ACACA: variants seen among roughly 807,000 people sequenced by gnomAD.
The protein encoded by ACACA is acetyl-CoA carboxylase alpha, also known as acetyl-CoA carboxylase 1.
A neutral mutation model predicts 296.1 loss-of-function variants in ACACA; 103 were observed. The observed-to-expected ratio is 0.35, with a 90% CI of 0.30 to 0.41. The LOEUF (loss-of-function observed/expected upper bound fraction) is 0.41, where lower values mean the gene tolerates loss of function less well. Among genes scored for constraint, ACACA ranks in the 10% least tolerant of loss-of-function variants. ACACA has a pLI of 1.00. For synonymous variants in ACACA, 953 were observed against 1,038.6 expected (o/e 0.92, Z 1.58); for missense variants, 1,554 against 2,989.7 (o/e 0.52, Z 11.20).
At chr17:37,217,260 C>CAAAAA (rs34419580) in intron 29 of ACACA, among the ~76,000 whole-genome samples, 6 of 42,532 alleles carry the variant, frequency 1.4e-4, no homozygotes, top group Non-Finnish European at 1.8e-4. Context: ...AACTCTATCT[C>CAAAAA]AAAAAAAAAA....
intron 3 of ACACA, among the ~76,000 whole-genome samples, chr17:37,288,318 T>A (rs2082885058): frequency 6.6e-6 from 1 of 152,162 alleles, no homozygotes; most frequent in Non-Finnish European, 1.5e-5. Context: ...GGGCCCCAAG[T>A]CCATGGATCA....
chr17:37,257,634 G>A, intron 14 of ACACA, 69 bp downstream of exon 14: 3 of 1,503,004 alleles, frequency 2.0e-6, no homozygotes, highest in Non-Finnish European at 2.8e-6. Flanking sequence ...CTATTCCCAT[G>A]CTCACACCTT....
chr17:37,388,687 G>C (rs2050658374), intron 1 of ACACA: 1 of 1,612,294 alleles, frequency 6.2e-7, no homozygotes, highest in South Asian at 1.1e-5. Flanking sequence ...TGAGAACCTA[G>C]AGAAGAGACA....
intron 25 of ACACA, among the ~76,000 whole-genome samples, chr17:37,233,522 G>GT (rs1335055073): frequency 6.6e-6 from 1 of 152,064 alleles, no homozygotes; most frequent in Non-Finnish European, 1.5e-5. Context: ...TCTTAAAAAC[G>GT]TAATCACAAT....
At chr17:37,123,468 T>C (rs2074622281) in intron 48 of ACACA, among the ~76,000 whole-genome samples, 1 of 152,038 alleles carries the variant, frequency 6.6e-6, no homozygotes, top group African/African-American at 2.4e-5. Flanking sequence ...ACAGGGTGAG[T>C]CTTTACTCTG....
rs193048769 is a variant in ACACA, at chr17:37,405,503, T to C, written c.38+759A>G. 5.3e-5 allele frequency among the ~76,000 whole-genome samples: 8 copies of C among 152,334 alleles called. No homozygotes were observed. In the East Asian group the frequency reaches 9.6e-4, roughly 18 times the overall value. ...ATAGGAAAATGTCTGGAAGGGTACA[T>C]ACCAAAATGTTAATTATTTATTTAA... On this transcript the variant is annotated intron_variant, in intron 1 of 55. Transcript: ENST00000616317.
At chr17:37,230,417 A>G (rs4794752) in intron 25 of ACACA, among the ~76,000 whole-genome samples, 39,620 of 151,068 alleles carry the variant, frequency 0.26, 5,986 homozygotes, top group African/African-American at 0.38. Flanking sequence ...TAAATAAATA[A>G]ATAAATAAAT....
Position 37,372,129 on chromosome 17 carries a change from A to G in ACACA, c.39-32279T>C, listed in dbSNP as rs142647731. 3.6e-3 allele frequency among the ~76,000 whole-genome samples: 542 copies of G among 152,066 alleles called. 3 individuals are homozygous for G. Among genetic ancestry groups the G allele is most frequent in the African/African-American group, 0.012 (516 of 41,512 alleles). On this transcript the variant is annotated intron_variant, in intron 1 of 55. Coordinates refer to ENST00000616317, the MANE Select transcript of ACACA (RefSeq NM_198834.3). ...CATGCAGCCTTTAAAAAGCAGTAGC[A>G]TAAGCCAGACGCAGTAGTTCACGCC...
Position 37,316,297 on chromosome 17 carries a change from T to TTACA in ACACA, c.338+13872_338+13875dup, listed in dbSNP as rs1179025947. On this transcript the variant is annotated intron_variant, in intron 3 of 55. Coordinates refer to ENST00000616317, the MANE Select transcript of ACACA (RefSeq NM_198834.3). The stretch of plus-strand genomic sequence containing the variant: ...ATTGTCTACCCTACCAGCTCTACCC[T>TTACA]TACATACACACACACACACACACAC... Among the ~76,000 whole-genome samples the TTACA allele has an allele frequency of 1.3e-4, 13 of 101,086 alleles. No individual in the cohort carries two copies. In the South Asian group the frequency reaches 2.0e-3, roughly 16 times the overall value. The allele number at this position is 101,086 out of a possible 152,430, so 66.3% of individuals were successfully genotyped here. A position where few individuals can be genotyped will look rare whatever the true frequency, so the allele number is the denominator to read the frequency against.
chr17:37,257,692 A>T lies in ACACA; in HGVS notation c.1826+11T>A. 6.2e-7 allele frequency: 1 copy of T among 1,613,718 alleles called. No individual in the cohort carries two copies. The highest frequency in any genetic ancestry group is 8.5e-7 in the Non-Finnish European group (1 of 1,179,790). On this transcript the variant is annotated intron_variant, in intron 14 of 55. Coordinates refer to ENST00000616317, the MANE Select transcript of ACACA (RefSeq NM_198834.3). ...ATTTTGTAAAATGCAATCAAATGCT[A>T]TTATACTCACGAAATTGCCTCTTCT...
intron 43 of ACACA, among the ~76,000 whole-genome samples, chr17:37,153,807 T>C (rs935021922): frequency 6.6e-6 from 1 of 152,052 alleles, no homozygotes; most frequent in African/African-American, 2.4e-5. Context: ...CCAAGAAAGT[T>C]TGGGAACCTC....
At chr17:37,370,667 GTAAA>G (rs372775724) in intron 1 of ACACA, among the ~76,000 whole-genome samples, 107 of 148,828 alleles carry the variant, frequency 7.2e-4, no homozygotes, top group Non-Finnish European at 1.3e-3. Context: ...CAAAAATAAT[GTAAA>G]TAAATAAATA....
intron 42 of ACACA, among the ~76,000 whole-genome samples, chr17:37,157,977 T>C (rs2076318738): frequency 6.6e-6 from 1 of 152,192 alleles, no homozygotes; most frequent in African/African-American, 2.4e-5. Flanking sequence ...TAAGTAGCTG[T>C]GGAATTTGTT....
chr17:37,275,495 C>CAAAAAAAAAAAA (rs34064045), intron 8 of ACACA, among the ~76,000 whole-genome samples: 31 of 61,468 alleles, frequency 5.0e-4, no homozygotes, highest in African/African-American at 8.1e-4. Context: ...GACTCCAACT[C>CAAAAAAAAAAAA]AAAAAAAAAA....
At chr17:37,363,893 C>A (rs1355223716) in intron 1 of ACACA, among the ~76,000 whole-genome samples, 1 of 151,994 alleles carries the variant, frequency 6.6e-6, no homozygotes. Context: ...GAGGACGAGG[C>A]GGGTGGATCA....
intron 24 of ACACA, 132 bp downstream of exon 24, chr17:37,240,344 G>A (rs2145920028): frequency 2.7e-6 from 2 of 746,884 alleles, no homozygotes; most frequent in East Asian, 5.4e-5. Flanking sequence ...GTAGTGATAG[G>A]AGACTGTTTA....
rs145412012 is a variant in ACACA, at chr17:37,315,052, G to A, written c.338+15121C>T. On this transcript the variant is annotated intron_variant, in intron 3 of 55. Transcript: ENST00000616317. ...CGGCTCACCACAACCTCCACCTCCC[G>A]GGTTCAAGCCATTCTCCTGCCTCAG... Among the ~76,000 whole-genome samples the A allele has an allele frequency of 2.0e-3, 283 of 140,960 alleles. 2 individuals carry two copies. The highest frequency in any genetic ancestry group is 7.7e-3 in the East Asian group (35 of 4,534). 92.5% of individuals were successfully genotyped at this position (140,960 alleles called of 152,430 possible). A position where few individuals can be genotyped will look rare whatever the true frequency, so the allele number is the denominator to read the frequency against.
At chr17:37,346,248 C>T (rs1488546969) in intron 1 of ACACA, among the ~76,000 whole-genome samples, 2 of 147,366 alleles carry the variant, frequency 1.4e-5, no homozygotes, top group Non-Finnish European at 3.0e-5. Flanking sequence ...ACCCAGGAGG[C>T]GGAGGTTGCA....
intron 1 of ACACA, chr17:37,388,825 C>G (rs1328435663): frequency 6.2e-7 from 1 of 1,610,192 alleles, no homozygotes; most frequent in African/African-American, 1.3e-5. Flanking sequence ...AATCCTTGAA[C>G]TTGACCCATA....
Sources: allele counts gnomAD v4.1 joint callset (sites outside exome capture counted in the v4.1 genomes callset), GRCh38; gene constraint gnomAD v4.1.1; transcripts MANE v1.5; gene names NCBI Gene and HGNC (gene_info 2026-07-23, HGNC 2026-07-21).